MAOB: variants seen among roughly 807,000 people sequenced by gnomAD.
MAOB encodes monoamine oxidase B, also known as amine oxidase [flavin-containing] B.
MAOB carries 15 observed loss-of-function variants against 41.9 expected under a neutral mutation model. The observed-to-expected ratio is 0.36, with a 90% CI of 0.24 to 0.55. The LOEUF (loss-of-function observed/expected upper bound fraction) is 0.55. MAOB is among the 20% of genes least tolerant of loss of function. The pLI, the probability that MAOB is intolerant of heterozygous loss-of-function variation, is 0.86. For synonymous variants in MAOB, 167 were observed against 144.2 expected (o/e 1.16, Z -1.13); for missense variants, 345 against 398.7 (o/e 0.87, Z 1.15).
At chrX:43,768,148 C>T (rs763020292) in intron 14 of MAOB, among the ~76,000 whole-genome samples, 4 of 112,013 alleles carry the variant, frequency 3.6e-5, no homozygotes, top group South Asian at 3.8e-4. Context: ...CTCTAAAGTG[C>T]GTTTGCACTC....
At chrX:43,857,546 A>G (rs1248524677) in intron 1 of MAOB, among the ~76,000 whole-genome samples, 2 of 110,622 alleles carry the variant, frequency 1.8e-5, no homozygotes, top group East Asian at 2.9e-4. Flanking sequence ...AACATCCCCA[A>G]AGCACTTTCC....
At position 43,839,018 on chromosome X, in the gene MAOB, AG is replaced by A. The variant is rs2147162889; in HGVS notation, c.142-14del. The A allele has an allele frequency of 2.6e-6, 3 of 1,134,537 alleles. No homozygotes were observed. In the African/African-American group the frequency reaches 5.5e-5, roughly 21 times the overall value. The allele number at this position is 1,134,537 out of a possible 1,213,427, so 93.5% of individuals were successfully genotyped here. A position where few individuals can be genotyped will look rare whatever the true frequency, so the allele number is the denominator to read the frequency against. The stretch of plus-strand genomic sequence containing the variant: ...TAACCTTTTGGTTCTGTTTTCCCAT[AG>A]GAAAAAATTAAAAAAAATTTGTAAA... On this transcript the variant is annotated splice_polypyrimidine_tract_variant and intron_variant, in intron 2 of 14. Transcript: ENST00000378069.
chrX:43,770,951 TC>T lies in MAOB; in HGVS notation c.1236-1534del, dbSNP rs765141918. ...TCAACATGCCATTATTCATCCTGTCTCATGGTTCTCTTATATCTGATAAGCG... is the reference window on the plus strand; with the variant it reads ...TCAACATGCCATTATTCATCCTGTCTATGGTTCTCTTATATCTGATAAGCG... On this transcript the variant is annotated intron_variant, in intron 12 of 14. Coordinates refer to ENST00000378069, the MANE Select transcript of MAOB (RefSeq NM_000898.5). Among the ~76,000 whole-genome samples, 384 of 111,842 alleles carry T rather than the reference TC, an allele frequency of 3.4e-3. 1 individual carries two copies. The highest frequency in any genetic ancestry group is 0.012 in the African/African-American group (361 of 30,756).
chrX:43,776,617 T>G (rs752349027), intron 11 of MAOB, among the ~76,000 whole-genome samples: 1 of 111,775 alleles, frequency 8.9e-6, no homozygotes, highest in Non-Finnish European at 1.9e-5. Context: ...AATGGCATTT[T>G]TTTTTATTAT....
chrX:43,863,014 A>C (rs2035342571), intron 1 of MAOB, among the ~76,000 whole-genome samples: 2 of 112,024 alleles, frequency 1.8e-5, no homozygotes, highest in African/African-American at 6.5e-5. Context: ...AAGATTGATA[A>C]AGCAAAGGAT....
chrX:43,799,447 T>C (rs777735548), intron 5 of MAOB, among the ~76,000 whole-genome samples: 3 of 111,683 alleles, frequency 2.7e-5, no homozygotes, highest in Non-Finnish European at 5.7e-5. Flanking sequence ...AACCTAACAT[T>C]GGCCCAGCTG....
intron 2 of MAOB, among the ~76,000 whole-genome samples, chrX:43,843,357 TCACACACACACACACACACACACA>T (rs61018201): frequency 2.0e-4 from 17 of 83,729 alleles, no homozygotes; most frequent in South Asian, 6.8e-4. Context: ...TCTCTCTGTC[TCACACACACACACACACACACACA>T]CACACACACA....
chrX:43,874,462 C>T (rs916190570), intron 1 of MAOB, among the ~76,000 whole-genome samples: 1 of 111,683 alleles, frequency 9.0e-6, no homozygotes, highest in Non-Finnish European at 1.9e-5. Context: ...CATGTTTTGG[C>T]TTCCCTGGTT....
At chrX:43,804,414 TCTC>T (rs953565105) in intron 3 of MAOB, among the ~76,000 whole-genome samples, 4 of 110,559 alleles carry the variant, frequency 3.6e-5, no homozygotes, top group Non-Finnish European at 5.7e-5. Flanking sequence ...TTATGTTTCT[TCTC>T]AGCCAGGATT....
intron 3 of MAOB, among the ~76,000 whole-genome samples, chrX:43,805,183 T>G (rs1437797534): frequency 9.0e-6 from 1 of 111,593 alleles, no homozygotes; most frequent in African/African-American, 3.3e-5. Context: ...ATAAAATCTA[T>G]TCTCTTAGCA....
intron 1 of MAOB, chrX:43,844,682 C>T (rs1249165930): frequency 8.9e-6 from 1 of 112,632 alleles, no homozygotes; most frequent in Non-Finnish European, 1.9e-5. Flanking sequence ...AGGGGACTCT[C>T]TCTGTCTCTG....
At position 43,821,311 on chromosome X, in the gene MAOB, G is replaced by A. The variant is rs756858982; in HGVS notation, c.279+17557C>T. On this transcript the variant is annotated intron_variant, in intron 3 of 14. Transcript: ENST00000378069. ...CACCTCCTTGTCATGGAAGGTACTC[G>A]TTTAATTGCATTTTCTAGCAAGCCC... Among the ~76,000 whole-genome samples the A allele has an allele frequency of 8.1e-5, 9 of 111,073 alleles. No homozygotes were observed. In the East Asian group the frequency reaches 2.0e-3, roughly 25 times the overall value.
At position 43,838,292 on chromosome X, in the gene MAOB, A is replaced by G. The variant is rs1166512428; in HGVS notation, c.279+576T>C. Among the ~76,000 whole-genome samples the G allele has an allele frequency of 2.7e-5, 3 of 111,712 alleles. No homozygotes were observed. In the Admixed American group the frequency reaches 2.9e-4, roughly 11 times the overall value. On this transcript the variant is annotated intron_variant, in intron 3 of 14. Transcript: ENST00000378069. Reference sequence around the variant, plus strand: ...GAACATAGGTATCATGGAAGCCAGAACTATGAGCCACAAATGATCACAGGA... The same window carrying G: ...GAACATAGGTATCATGGAAGCCAGAGCTATGAGCCACAAATGATCACAGGA...
chrX:43,772,105 A>G (rs905902253), intron 12 of MAOB, among the ~76,000 whole-genome samples: 1 of 111,806 alleles, frequency 8.9e-6, no homozygotes, highest in African/African-American at 3.3e-5. Flanking sequence ...CAGAACATGT[A>G]CTGTGAACTT....
chrX:43,772,379 G>A (rs955133119), intron 12 of MAOB, among the ~76,000 whole-genome samples: 1 of 111,655 alleles, frequency 9.0e-6, no homozygotes, highest in East Asian at 2.8e-4. Context: ...CTCTCACGTG[G>A]TCAGGATCAG....
intron 5 of MAOB, among the ~76,000 whole-genome samples, chrX:43,798,678 CT>C (rs2034557252): frequency 9.0e-6 from 1 of 111,541 alleles, no homozygotes; most frequent in South Asian, 3.8e-4. Flanking sequence ...TCCAATTCCC[CT>C]TTTGACTTTG....
chrX:43,839,324 C>T (rs945920363), intron 2 of MAOB, among the ~76,000 whole-genome samples: 2 of 111,846 alleles, frequency 1.8e-5, no homozygotes, highest in African/African-American at 6.5e-5. Flanking sequence ...TCTCTTTACT[C>T]AGTACTTCAG....
intron 12 of MAOB, among the ~76,000 whole-genome samples, chrX:43,769,971 G>A (rs1247969167): frequency 2.7e-5 from 3 of 111,273 alleles, no homozygotes; most frequent in Non-Finnish European, 5.7e-5. Context: ...TGGTGAGGTC[G>A]GTACTATTAT....
intron 1 of MAOB, among the ~76,000 whole-genome samples, chrX:43,870,002 AT>A (rs951757027): frequency 8.9e-6 from 1 of 111,871 alleles, no homozygotes; most frequent in African/African-American, 3.2e-5. Context: ...TCCATTGTCC[AT>A]TTTTTTTATA....
Sources: allele counts gnomAD v4.1 joint callset (sites outside exome capture counted in the v4.1 genomes callset), GRCh38; gene constraint gnomAD v4.1.1; transcripts MANE v1.5; gene names NCBI Gene and HGNC (gene_info 2026-07-23, HGNC 2026-07-21).